ZFAT: variants seen among roughly 807,000 people sequenced by gnomAD.
ZFAT encodes zinc finger and AT-hook domain containing, also known as zinc finger protein ZFAT.
ZFAT carries 64 observed loss-of-function variants against 117.7 expected under a neutral mutation model. That is an observed-to-expected ratio of 0.54 (90% CI 0.44 to 0.67). ZFAT has a LOEUF of 0.67. Ranked by LOEUF, ZFAT falls within the 30% of genes least tolerant of loss-of-function variation. ZFAT has a pLI of 0.00. For missense variants in ZFAT, 1,433 were observed against 1,584.5 expected, an observed-to-expected ratio of 0.90 and a Z score of 1.62; for synonymous variants, 679 against 615.0, an observed-to-expected ratio of 1.10 and a Z score of -1.54.
intron 3 of ZFAT, among the ~76,000 whole-genome samples, chr8:134,625,283 C>T (rs1236747322): frequency 6.6e-6 from 1 of 152,206 alleles, no homozygotes; most frequent in African/African-American, 2.4e-5. Flanking sequence ...CACAGGTCAC[C>T]CATGGCGGCC....
intron 1 of ZFAT, among the ~76,000 whole-genome samples, chr8:134,702,066 CCCCTTGCCATTGATA>C (rs754550146): frequency 2.3e-4 from 35 of 152,246 alleles, no homozygotes; most frequent in Middle Eastern, 3.4e-3. Context: ...GCAAACTCGG[CCCCTTGCCATTGATA>C]CCCTGTGCCA....
chr8:134,533,861 A>T (rs1388782168), intron 11 of ZFAT, among the ~76,000 whole-genome samples: 1 of 152,214 alleles, frequency 6.6e-6, no homozygotes, highest in African/African-American at 2.4e-5. Flanking sequence ...ACGGATGGGC[A>T]TCTCCATCAC....
chr8:134,479,985 A>T (rs1380515150), intron 15 of ZFAT, among the ~76,000 whole-genome samples: 4 of 134,274 alleles, frequency 3.0e-5, no homozygotes, highest in African/African-American at 5.8e-5. Context: ...ACAAGGTCTG[A>T]CTCTGTTGCC....
Position 134,548,560 on chromosome 8 carries a change from T to A in ZFAT, c.2977-15588A>T, listed in dbSNP as rs183795813. On this transcript the variant is annotated intron_variant, in intron 11 of 15. Transcript: ENST00000377838. Reference sequence around the variant, plus strand: ...ACTGAAGTGACAAATATACATGGGGTTCATTATACTATTTTCTCTACTTCT... The same window carrying A: ...ACTGAAGTGACAAATATACATGGGGATCATTATACTATTTTCTCTACTTCT... 3.4e-3 allele frequency among the ~76,000 whole-genome samples: 521 copies of A among 152,204 alleles called. 1 individual carries two copies. Among genetic ancestry groups the A allele is most frequent in the Non-Finnish European group, 5.9e-3 (400 of 68,008 alleles).
At chr8:134,625,730 G>T (rs923422317) in intron 3 of ZFAT, among the ~76,000 whole-genome samples, 1 of 152,230 alleles carries the variant, frequency 6.6e-6, no homozygotes, top group Non-Finnish European at 1.5e-5. Flanking sequence ...CTTGACTTTA[G>T]CCAATCTCCC....
intron 1 of ZFAT, among the ~76,000 whole-genome samples, chr8:134,693,273 GAAGT>G (rs71576094): frequency 0.11 from 16,067 of 152,146 alleles, 1,055 homozygotes; most frequent in Non-Finnish European, 0.16. Flanking sequence ...TCTTGTACCA[GAAGT>G]AAGGAAGTCC....
At position 134,618,080 on chromosome 8, in the gene ZFAT, G is replaced by A. The variant is rs954577733; in HGVS notation, c.449-7425C>T. On this transcript the variant is annotated intron_variant, in intron 3 of 15. Coordinates refer to ENST00000377838, the MANE Select transcript of ZFAT (RefSeq NM_020863.4). ...AGAAGTGCCTTTCACCTCCCGCCAT[G>A]ATTCTGAGGCCTCCCCAGCCAAGTG... 3.9e-5 allele frequency among the ~76,000 whole-genome samples: 6 copies of A among 152,242 alleles called. No homozygotes were observed. The East Asian group carries it at 1.2e-3, about 29-fold the overall frequency.
At chr8:134,779,221 G>C in the ZFAT span, among the ~76,000 whole-genome samples, 1 of 152,144 alleles carries the variant, frequency 6.6e-6, no homozygotes, top group African/African-American at 2.4e-5. Flanking sequence ...AGTCTCAACA[G>C]GAGGAGGAGA....
the ZFAT span, among the ~76,000 whole-genome samples, chr8:134,722,260 C>T: frequency 6.6e-6 from 1 of 152,238 alleles, no homozygotes; most frequent in African/African-American, 2.4e-5. Flanking sequence ...AACTGTGCTT[C>T]AGGCAGAAGG....
At chr8:134,592,247 C>T (rs947246894) in intron 7 of ZFAT, among the ~76,000 whole-genome samples, 1 of 152,216 alleles carries the variant, frequency 6.6e-6, no homozygotes, top group African/African-American at 2.4e-5. Context: ...GCAGTCTACT[C>T]CTACTCTAAA....
chr8:134,575,906 C>G (rs1420651858), intron 10 of ZFAT, among the ~76,000 whole-genome samples: 1 of 152,198 alleles, frequency 6.6e-6, no homozygotes, highest in African/African-American at 2.4e-5. Flanking sequence ...AATAAAAATA[C>G]AGTTAAAGAA....
the ZFAT span, among the ~76,000 whole-genome samples, chr8:134,773,093 CA>C: frequency 0.63 from 65,394 of 104,156 alleles, 17,352 homozygotes; most frequent in Admixed American, 0.67. Context: ...AATCCCAATT[CA>C]AAAAAAAAAA....
intron 1 of ZFAT, among the ~76,000 whole-genome samples, chr8:134,677,321 T>G (rs866752725): frequency 6.6e-5 from 10 of 152,236 alleles, no homozygotes; most frequent in African/African-American, 1.9e-4. Context: ...AACACCTCTA[T>G]GCAAATAAAC....
chr8:134,490,929 C>T (rs1210908992), intron 15 of ZFAT, among the ~76,000 whole-genome samples: 2 of 152,182 alleles, frequency 1.3e-5, no homozygotes, highest in African/African-American at 4.8e-5. Context: ...TAGAGCTCTC[C>T]TCCACCACGC....
At chr8:134,695,616 C>T (rs1165741371) in intron 1 of ZFAT, among the ~76,000 whole-genome samples, 3 of 150,750 alleles carry the variant, frequency 2.0e-5, no homozygotes, top group African/African-American at 7.3e-5. Flanking sequence ...CAGGCCCTGC[C>T]CGCATCTCTA....
At chr8:134,556,965 TTTCA>T (rs1359657446) in intron 11 of ZFAT, among the ~76,000 whole-genome samples, 2 of 151,912 alleles carry the variant, frequency 1.3e-5, no homozygotes, top group Non-Finnish European at 2.9e-5. Context: ...AAAATTTTAG[TTTCA>T]TTATGTATTT....
intron 15 of ZFAT, among the ~76,000 whole-genome samples, chr8:134,485,705 G>C (rs1402041067): frequency 1.3e-5 from 2 of 152,074 alleles, no homozygotes; most frequent in African/African-American, 4.8e-5. Context: ...CCCTCCCCAG[G>C]ACATTGAAAC....
the ZFAT span, among the ~76,000 whole-genome samples, chr8:134,757,401 A>G: frequency 7.9e-5 from 12 of 152,120 alleles, no homozygotes; most frequent in African/African-American, 2.9e-4. Flanking sequence ...GTCTGTTTGC[A>G]GGGATTCCTG....
chr8:134,577,015 C>A (rs985998903), intron 10 of ZFAT, among the ~76,000 whole-genome samples: 1 of 152,180 alleles, frequency 6.6e-6, no homozygotes, highest in Non-Finnish European at 1.5e-5. Flanking sequence ...AGGCACTGTA[C>A]AGCTTAACCT....
Sources: allele counts gnomAD v4.1 joint callset (sites outside exome capture counted in the v4.1 genomes callset), GRCh38; gene constraint gnomAD v4.1.1; transcripts MANE v1.5; gene names NCBI Gene and HGNC (gene_info 2026-07-23, HGNC 2026-07-21).